ALG11: variants seen among roughly 807,000 people sequenced by gnomAD.
The protein encoded by ALG11 is GDP-Man:Man(3)GlcNAc(2)-PP-Dol alpha-1,2-mannosyltransferase.
A neutral mutation model predicts 38.8 loss-of-function variants in ALG11; 26 were observed. The ratio of observed to expected loss-of-function variants is 0.67; its 90% confidence interval spans 0.49 to 0.93. ALG11 has a LOEUF of 0.93. Ranked by LOEUF, ALG11 falls within the 40% of genes least tolerant of loss-of-function variation. The pLI is 0.00. For synonymous variants in ALG11, 199 were observed against 211.6 expected, an observed-to-expected ratio of 0.94 and a Z score of 0.52; for missense variants, 535 against 578.8, an observed-to-expected ratio of 0.92 and a Z score of 0.78.
intron 1 of ALG11, among the ~76,000 whole-genome samples, chr13:52,018,338 A>G (rs915418189): frequency 2.6e-5 from 4 of 152,240 alleles, no homozygotes; most frequent in African/African-American, 9.6e-5. Context: ...TCAGAGGTAC[A>G]TAAGGGAAGG....
intron 2 of ALG11, chr13:52,022,383 GA>G (rs1566703544): frequency 6.6e-6 from 1 of 152,102 alleles, no homozygotes; most frequent in Non-Finnish European, 1.5e-5. Context: ...AAAAAAGAAA[GA>G]AAAAACAAAT....
At chr13:52,014,524 G>A (rs1422813411) in intron 1 of ALG11, among the ~76,000 whole-genome samples, 1 of 151,882 alleles carries the variant, frequency 6.6e-6, no homozygotes, top group Admixed American at 6.6e-5. Context: ...AATATCTGGA[G>A]GGCTTTTTTT....
intron 2 of ALG11, chr13:52,023,792 CTTTTTTT>C: frequency 2.3e-5 from 4 of 177,674 alleles, no homozygotes; most frequent in Non-Finnish European, 4.2e-5. Context: ...AGGTAGCAGG[CTTTTTTT>C]TTTTTTTTTT....
Position 52,029,380 on chromosome 13 carries a change from T to A in ALG11, c.*790T>A. ...AGCAGGAAATTTTTAACCTCCTCCA[T>A]AAGAACAAGCAGCCAGTGACAGATC... On this transcript the variant is annotated 3_prime_UTR_variant, in exon 4 of 4. Transcript: ENST00000521508. 1 of 1,613,962 alleles carries A rather than the reference T, an allele frequency of 6.2e-7. No individual in the cohort carries two copies. Among genetic ancestry groups the A allele is most frequent in the Non-Finnish European group, 8.5e-7 (1 of 1,180,004 alleles).
chr13:52,012,427 C>T lies in ALG11; in HGVS notation c.9C>T (p.Ala3=), dbSNP rs765484079. Residue 3 remains alanine (A), a synonymous_variant, in exon 1 of 4, where the codon GCC becomes GCT. Transcript: ENST00000521508. MA[A]GERSWCLCKL... is the part of the protein sequence containing the mutation. ...TCGGGGGTCGGCGGAAGATGGCGGCCGGCGAAAGGAGCTGGTGCCTGTGCA... is the reference window on the plus strand; with the variant it reads ...TCGGGGGTCGGCGGAAGATGGCGGCTGGCGAAAGGAGCTGGTGCCTGTGCA... 6.8e-6 allele frequency: 11 copies of T among 1,613,950 alleles called. No individual in the cohort carries two copies. The highest frequency in any genetic ancestry group is 4.0e-5 in the African/African-American group (3 of 74,922).
intron 2 of ALG11, chr13:52,021,261 A>G (rs555101428): frequency 1.3e-5 from 2 of 152,356 alleles, no homozygotes; most frequent in African/African-American, 4.8e-5. Flanking sequence ...AGTGCTTTAC[A>G]TGTGTTAGCT....
chr13:52,031,067 C>T lies in ALG11; in HGVS notation c.*2477C>T, dbSNP rs201468648. 8.7e-6 allele frequency: 14 copies of T among 1,613,856 alleles called. No homozygotes were observed. Among genetic ancestry groups the T allele is most frequent in the African/African-American group, 1.3e-5 (1 of 74,900 alleles). On this transcript the variant is annotated 3_prime_UTR_variant, in exon 4 of 4. Transcript: ENST00000521508. ...GCCTGTCATACAGAGGAATCCAAAA[C>T]GAATCACCACACGTCACAATAAAGA...
chr13:52,018,509 G>A (rs748317472), intron 1 of ALG11, among the ~76,000 whole-genome samples: 4 of 152,140 alleles, frequency 2.6e-5, no homozygotes, highest in South Asian at 4.1e-4. Flanking sequence ...AATATTGATC[G>A]TTCAAAAGAC....
Position 52,032,651 on chromosome 13 carries a change from G to C in ALG11, c.*4061G>C, listed in dbSNP as rs1954316980. 6.0e-6 allele frequency: 1 copy of C among 167,056 alleles called. No individual in the cohort carries two copies. Among genetic ancestry groups the C allele is most frequent in the African/African-American group, 2.4e-5 (1 of 41,424 alleles). 10.3% of individuals were successfully genotyped at this position (167,056 alleles called of 1,614,324 possible). On this transcript the variant is annotated 3_prime_UTR_variant, in exon 4 of 4. Coordinates refer to ENST00000521508, the MANE Select transcript of ALG11 (RefSeq NM_001004127.3). ...TACATCTCCAAGCCATCTGTCATCA[G>C]ATCAAAAAGCAGCAAACAGAGGGTC... is the stretch of plus-strand genomic sequence containing the variant.
At position 52,028,709 on chromosome 13, in the gene ALG11, A is replaced by G; in HGVS notation, c.*119A>G. On this transcript the variant is annotated 3_prime_UTR_variant, in exon 4 of 4. Coordinates refer to ENST00000521508, the MANE Select transcript of ALG11 (RefSeq NM_001004127.3). ...CATTTTACTTTAGAAAACAGACAAA[A>G]TTTCCTTTTAGAATAAAAGGAAGTG... 6.3e-7 allele frequency: 1 copy of G among 1,582,862 alleles called. No homozygotes were observed. The highest frequency in any genetic ancestry group is 1.1e-5 in the South Asian group (1 of 88,602).
rs112372712 is a variant in ALG11, at chr13:52,023,791, G to A, written c.276-215G>A. The A allele has an allele frequency of 3.6e-3, 1,097 of 301,880 alleles. 13 individuals carry two copies. Among genetic ancestry groups the A allele is most frequent in the African/African-American group, 0.025 (1,045 of 42,050 alleles). 18.7% of individuals were successfully genotyped at this position (301,880 alleles called of 1,614,324 possible). A position where few individuals can be genotyped will look rare whatever the true frequency, so the allele number is the denominator to read the frequency against. Reference sequence around the variant, plus strand: ...CTCAGTCTCTCAGGGTAGGTAGCAGGCTTTTTTTTTTTTTTTTTTTTGAGA... The same window carrying A: ...CTCAGTCTCTCAGGGTAGGTAGCAGACTTTTTTTTTTTTTTTTTTTTGAGA... On this transcript the variant is annotated intron_variant, in intron 2 of 3. Coordinates refer to ENST00000521508, the MANE Select transcript of ALG11 (RefSeq NM_001004127.3).
Position 52,029,618 on chromosome 13 carries a change from A to C in ALG11, c.*1028A>C, listed in dbSNP as rs1481202148. 3 of 1,614,252 alleles carry C rather than the reference A, an allele frequency of 1.9e-6. No homozygotes were observed. Among genetic ancestry groups the C allele is most frequent in the Admixed American group, 3.3e-5 (2 of 60,032 alleles). ...CTTAAAAGAGTTTGAGCAGCTACAG[A>C]AGGTTAATCCAACTGTGGCACTGGA... On this transcript the variant is annotated 3_prime_UTR_variant, in exon 4 of 4. Coordinates refer to ENST00000521508, the MANE Select transcript of ALG11 (RefSeq NM_001004127.3).
At position 52,012,444 on chromosome 13, in the gene ALG11, G is replaced by C. The variant is rs200041400; in HGVS notation, c.26G>C (p.Cys9Ser). MAAGERSW[C>S]LCKLLRFFYS... ...ATGGCGGCCGGCGAAAGGAGCTGGT[G>C]CCTGTGCAAGTTGTTGAGGTGAGCA... The change falls in exon 1 of 4, where the codon TGC becomes TCC. Residue 9 changes from cysteine (C) to serine (S), a missense_variant. Coordinates refer to ENST00000521508, the MANE Select transcript of ALG11 (RefSeq NM_001004127.3). The C allele has an allele frequency of 3.1e-6, 5 of 1,613,982 alleles. No homozygotes were observed. Among genetic ancestry groups the C allele is most frequent in the South Asian group, 1.1e-5 (1 of 91,032 alleles).
chr13:52,025,282 A>C (rs1286448521), intron 3 of ALG11, among the ~76,000 whole-genome samples: 1 of 152,330 alleles, frequency 6.6e-6, no homozygotes, highest in South Asian at 2.1e-4. Context: ...GTTCAGTTAC[A>C]CAGTAAGTGG....
At position 52,032,811 on chromosome 13, in the gene ALG11, C is replaced by T. The variant is rs1384834094; in HGVS notation, c.*4221C>T. ...TCTCTCTTATTTTCAGCTTTACAGA[C>T]AAGAACAATTTAAATCTAAAGAATT... On this transcript the variant is annotated 3_prime_UTR_variant, in exon 4 of 4. Coordinates refer to ENST00000521508, the MANE Select transcript of ALG11 (RefSeq NM_001004127.3). 1 of 167,052 alleles carries T rather than the reference C, an allele frequency of 6.0e-6. No individual in the cohort carries two copies. Among genetic ancestry groups the T allele is most frequent in the Non-Finnish European group, 1.5e-5 (1 of 68,100 alleles). The allele number at this position is 167,052 out of a possible 1,614,324, so 10.3% of individuals were successfully genotyped here.
chr13:52,027,426 G>A (rs1232567721), intron 3 of ALG11, among the ~76,000 whole-genome samples: 1 of 152,118 alleles, frequency 6.6e-6, no homozygotes, highest in African/African-American at 2.4e-5. Context: ...AATATGATAT[G>A]AGCTACTGAA....
At chr13:52,017,481 G>A (rs1321753820) in intron 1 of ALG11, 2 of 152,848 alleles carry the variant, frequency 1.3e-5, no homozygotes, top group East Asian at 3.8e-4. Flanking sequence ...TGTTGTGGAA[G>A]GGACCCAGGG....
chr13:52,030,839 C>T lies in ALG11; in HGVS notation c.*2249C>T, dbSNP rs775162408. 1.2e-6 allele frequency: 2 copies of T among 1,614,196 alleles called. No homozygotes were observed. The highest frequency in any genetic ancestry group is 1.3e-5 in the African/African-American group (1 of 75,048). ...GAAGCGCAACATCCACGCAGCAGCT[C>T]ATCAGGTACAAGTGCTTCCATATCC... On this transcript the variant is annotated 3_prime_UTR_variant, in exon 4 of 4. Transcript: ENST00000521508.
In ALG11 at chr13:52,030,538, A is replaced by C. The variant is rs752079420; in HGVS notation, c.*1948A>C. On this transcript the variant is annotated 3_prime_UTR_variant, in exon 4 of 4. Transcript: ENST00000521508. ...TGAGGTCTTTGGCAGTTCCCACAAT[A>C]ATAGAGGAGCTGGAAGATGAAGAGG... 6.2e-7 allele frequency: 1 copy of C among 1,614,154 alleles called. No homozygotes were observed.
Sources: allele counts gnomAD v4.1 joint callset (sites outside exome capture counted in the v4.1 genomes callset), GRCh38; gene constraint gnomAD v4.1.1; transcripts MANE v1.5; gene names NCBI Gene and HGNC (gene_info 2026-07-23, HGNC 2026-07-21).